ZFAT: variants seen among roughly 807,000 people sequenced by gnomAD.
The protein encoded by ZFAT is zinc finger protein ZFAT.
In ZFAT, 64 loss-of-function variants were observed where a neutral mutation model predicts 117.7. The ratio of observed to expected loss-of-function variants is 0.54; its 90% CI spans 0.44 to 0.67. ZFAT has a LOEUF of 0.67. Ranked by LOEUF, ZFAT falls within the 30% of genes least tolerant of loss-of-function variation. ZFAT has a pLI of 0.00. For synonymous variants in ZFAT, 679 were observed against 615.0 expected (o/e 1.10, Z -1.54); for missense variants, 1,433 against 1,584.5 (o/e 0.90, Z 1.62).
chr8:134,714,319 C>G (rs1485694558), upstream of ZFAT, among the ~76,000 whole-genome samples: 3 of 152,198 alleles, frequency 2.0e-5, no homozygotes, highest in Admixed American at 6.5e-5. Context: ...TCTCACTGGC[C>G]TAGCTCCATC....
At chr8:134,536,139 C>T (rs74552158) in intron 11 of ZFAT, among the ~76,000 whole-genome samples, 1 of 152,140 alleles carries the variant, frequency 6.6e-6, no homozygotes, top group Non-Finnish European at 1.5e-5. Context: ...AAAATGTAAG[C>T]ATATTGGCAA....
intron 5 of ZFAT, among the ~76,000 whole-genome samples, chr8:134,606,880 A>C (rs994349941): frequency 4.0e-4 from 61 of 152,298 alleles, no homozygotes; most frequent in African/African-American, 1.4e-3. Context: ...TAAGATCATA[A>C]ATGACTTTTT....
At chr8:134,693,919 G>C in intron 1 of ZFAT, among the ~76,000 whole-genome samples, 1 of 152,200 alleles carries the variant, frequency 6.6e-6, no homozygotes, top group South Asian at 2.1e-4. Flanking sequence ...TCATGATCAC[G>C]TGTCTCCTGC....
At chr8:134,626,722 C>A (rs1375105853) in intron 3 of ZFAT, among the ~76,000 whole-genome samples, 3 of 152,390 alleles carry the variant, frequency 2.0e-5, no homozygotes, top group East Asian at 3.9e-4. Context: ...TCCAGGCCCA[C>A]CTCTGGGCAT....
At chr8:134,573,494 G>C (rs1825086464) in intron 10 of ZFAT, among the ~76,000 whole-genome samples, 1 of 151,976 alleles carries the variant, frequency 6.6e-6, no homozygotes, top group African/African-American at 2.4e-5. Flanking sequence ...AGTGTTCCTG[G>C]CCCTGTAGTT....
intron 11 of ZFAT, among the ~76,000 whole-genome samples, chr8:134,545,355 A>T (rs537870323): frequency 5.3e-5 from 8 of 151,932 alleles, no homozygotes; most frequent in East Asian, 3.9e-4. Context: ...CTACCAAAAA[A>T]TTTTTTTTAA....
the ZFAT span, among the ~76,000 whole-genome samples, chr8:134,831,967 C>T: frequency 4.6e-5 from 7 of 151,398 alleles, no homozygotes; most frequent in Non-Finnish European, 8.9e-5. Flanking sequence ...CCCTCTCCCG[C>T]CCCAAGGCAC....
intron 1 of ZFAT, among the ~76,000 whole-genome samples, chr8:134,691,679 T>C (rs961778619): frequency 2.3e-4 from 35 of 152,212 alleles, no homozygotes; most frequent in African/African-American, 8.2e-4. Flanking sequence ...TCTCTGGTAC[T>C]CCCTCCTGCT....
At chr8:134,804,770 T>TA in the ZFAT span, 1 of 474,626 alleles carries the variant, frequency 2.1e-6, no homozygotes, top group Non-Finnish European at 4.3e-6. Context: ...GTCAGTGCAG[T>TA]AAAAGAATGC....
intron 1 of ZFAT, among the ~76,000 whole-genome samples, chr8:134,674,426 T>A (rs1586932013): frequency 6.6e-6 from 1 of 152,142 alleles, no homozygotes; most frequent in Non-Finnish European, 1.5e-5. Flanking sequence ...GGGGCATCCA[T>A]CATTGCTGAG....
chr8:134,567,800 G>A (rs560521253), intron 10 of ZFAT, among the ~76,000 whole-genome samples: 41 of 151,214 alleles, frequency 2.7e-4, no homozygotes, highest in Non-Finnish European at 5.2e-4. Flanking sequence ...TGCAATCTCA[G>A]ACCCCTGAGC....
intron 1 of ZFAT, among the ~76,000 whole-genome samples, chr8:134,671,075 G>C (rs6991571): frequency 0.34 from 52,222 of 151,638 alleles, 9,291 homozygotes; most frequent in South Asian, 0.43. Context: ...TCTCTGAATA[G>C]ACCAATAACA....
At chr8:134,505,037 A>C (rs542244431) in intron 15 of ZFAT, among the ~76,000 whole-genome samples, 1 of 151,718 alleles carries the variant, frequency 6.6e-6, no homozygotes, top group South Asian at 2.1e-4. Context: ...AGCATTCATC[A>C]CTCTCGATCG....
the ZFAT span, among the ~76,000 whole-genome samples, chr8:134,740,860 C>A: frequency 6.6e-6 from 1 of 152,146 alleles, no homozygotes; most frequent in African/African-American, 2.4e-5. Context: ...GAAGACTGAG[C>A]CCCATAACAT....
chr8:134,719,584 G>A, the ZFAT span, among the ~76,000 whole-genome samples: 1 of 152,192 alleles, frequency 6.6e-6, no homozygotes, highest in East Asian at 1.9e-4. Context: ...AAGGGCACTG[G>A]TGGGGAGTGG....
intron 15 of ZFAT, among the ~76,000 whole-genome samples, chr8:134,504,710 G>A (rs1819260902): frequency 6.6e-6 from 1 of 152,212 alleles, no homozygotes; most frequent in Admixed American, 6.5e-5. Context: ...GCTATAAACT[G>A]CTTGGACTCC....
At position 134,610,622 on chromosome 8, in the gene ZFAT, C is replaced by T. The variant is rs774596807; in HGVS notation, c.482G>A (p.Cys161Tyr). ...NESDLELEKKCKEDDREKASK... is the reference protein window; with the variant it reads ...NESDLELEKKYKEDDREKASK... ...GGCTTTTTCCCGATCATCTTCCTTA[C>T]ACTTCTTTTCTAGTTCAAGGTCAGA... The change falls in exon 4 of 16, where the codon TGT becomes TAT. Residue 161 changes from cysteine (C) to tyrosine (Y), a missense_variant. Coordinates refer to ENST00000377838, the MANE Select transcript of ZFAT (RefSeq NM_020863.4). The T allele has an allele frequency of 9.3e-6, 15 of 1,614,146 alleles. No homozygotes were observed. Among genetic ancestry groups the T allele is most frequent in the Non-Finnish European group, 1.3e-5 (15 of 1,180,036 alleles).
At chr8:134,516,497 T>A (rs1314831192) in intron 13 of ZFAT, among the ~76,000 whole-genome samples, 1 of 152,180 alleles carries the variant, frequency 6.6e-6, no homozygotes, top group Non-Finnish European at 1.5e-5. Flanking sequence ...TGTTTGGTTA[T>A]GTTTACATAG....
chr8:134,548,309 C>T lies in ZFAT; in HGVS notation c.2977-15337G>A, dbSNP rs115499987. Among the ~76,000 whole-genome samples the T allele has an allele frequency of 7.4e-3, 1,131 of 152,258 alleles. 24 individuals are homozygous for T. Among genetic ancestry groups the T allele is most frequent in the African/African-American group, 0.026 (1,077 of 41,530 alleles). The stretch of plus-strand genomic sequence containing the variant: ...AACACATAAAAATAAGGCATTTGAG[C>T]CAAGACCTGAAGGAGGTGAGAGAAG... On this transcript the variant is annotated intron_variant, in intron 11 of 15. Transcript: ENST00000377838.
Sources: gnomAD v4.1 joint callset for allele counts (sites outside exome capture counted in the v4.1 genomes callset) on GRCh38, gnomAD v4.1.1 for gene constraint, MANE v1.5 for transcripts, NCBI Gene and HGNC (gene_info 2026-07-23, HGNC 2026-07-21) for gene names.